Variants in USH2A observed in about 807,000 individuals in gnomAD.
USH2A encodes the protein Usher syndrome 2A (autosomal recessive, mild).
USH2A carries 443 observed loss-of-function variants against 538.9 expected under a neutral mutation model. The observed-to-expected ratio is 0.82, with a 90% CI of 0.76 to 0.89. The LOEUF is 0.89. Ranked by LOEUF, USH2A falls within the 40% of genes least tolerant of loss-of-function variation. USH2A has a pLI of 0.00. For synonymous variants in USH2A, 2,413 were observed against 2,273.5 expected, an observed-to-expected ratio of 1.06 and a Z score of -1.75; for missense variants, 6,633 against 6,324.8, an observed-to-expected ratio of 1.05 and a Z score of -1.65.
At chr1:215,781,370 T>G (rs1051482452) in intron 54 of USH2A, among the ~76,000 whole-genome samples, 3 of 152,216 alleles carry the variant, frequency 2.0e-5, no homozygotes, top group Admixed American at 1.3e-4. Context: ...ACCTTCAACA[T>G]TTTTCTCTTT....
intron 3 of USH2A, among the ~76,000 whole-genome samples, chr1:216,405,408 T>A (rs973530230): frequency 6.6e-6 from 1 of 152,254 alleles, no homozygotes; most frequent in East Asian, 1.9e-4. Context: ...ATTGGACATA[T>A]GAATGGTAAA....
At chr1:215,654,209 C>A (rs1036153629) in intron 64 of USH2A, among the ~76,000 whole-genome samples, 1 of 152,066 alleles carries the variant, frequency 6.6e-6, no homozygotes, top group Non-Finnish European at 1.5e-5. Flanking sequence ...CTAGTGTACA[C>A]GTGAACAACG....
chr1:216,021,624 C>G (rs1668847060), intron 32 of USH2A, among the ~76,000 whole-genome samples: 1 of 152,166 alleles, frequency 6.6e-6, no homozygotes, highest in African/African-American at 2.4e-5. Flanking sequence ...TGCTAACATG[C>G]CCTGCAGACT....
intron 55 of USH2A, among the ~76,000 whole-genome samples, chr1:215,770,862 T>C (rs1016054062): frequency 6.7e-6 from 1 of 149,106 alleles, no homozygotes; most frequent in African/African-American, 2.5e-5. Flanking sequence ...CCCAGCACTT[T>C]GGGAGGACGA....
intron 41 of USH2A, among the ~76,000 whole-genome samples, chr1:215,880,958 C>A (rs914633616): frequency 9.2e-5 from 14 of 152,028 alleles, no homozygotes; most frequent in Non-Finnish European, 1.6e-4. Flanking sequence ...TACCAAAAAT[C>A]ACCTGGGTGT....
chr1:215,934,590 G>A, intron 38 of USH2A, 26 bp downstream of exon 38: 1 of 1,606,878 alleles, frequency 6.2e-7, no homozygotes, highest in South Asian at 1.1e-5. Context: ...TATAAAATTA[G>A]ATAGCCAACA....
At chr1:216,144,156 T>C (rs1409580566) in intron 21 of USH2A, among the ~76,000 whole-genome samples, 1 of 152,148 alleles carries the variant, frequency 6.6e-6, no homozygotes, top group Non-Finnish European at 1.5e-5. Flanking sequence ...TGTTATGTAA[T>C]GAGAAAATAT....
intron 32 of USH2A, among the ~76,000 whole-genome samples, chr1:216,010,892 C>T (rs1668546263): frequency 6.6e-6 from 1 of 151,934 alleles, no homozygotes; most frequent in Non-Finnish European, 1.5e-5. Flanking sequence ...CCTTAACCCA[C>T]AAGTATAAGA....
intron 70 of USH2A, 137 bp from the exon 71 acceptor site, chr1:215,629,172 C>A: frequency 5.4e-6 from 5 of 926,316 alleles, no homozygotes; most frequent in Non-Finnish European, 6.8e-6. Flanking sequence ...ATGAAGGGAA[C>A]AACTGTCACC....
intron 35 of USH2A, among the ~76,000 whole-genome samples, chr1:215,988,323 TCTC>T (rs940062843): frequency 2.6e-5 from 4 of 152,156 alleles, no homozygotes; most frequent in Non-Finnish European, 4.4e-5. Flanking sequence ...TTTACCATAA[TCTC>T]CTCAAGTTTC....
chr1:216,248,342 T>C lies in USH2A; in HGVS notation c.2168-1116A>G, dbSNP rs2036093141. ...TAAAAAAATTAGAATAGTAAATGTT[T>C]AGATGCAAAATACTTCCTTTAGATA... On this transcript the variant is annotated intron_variant, in intron 12 of 71. Transcript: ENST00000307340. Among the ~76,000 whole-genome samples the C allele has an allele frequency of 2.6e-5, 4 of 152,058 alleles. No individual in the cohort carries two copies. The South Asian group carries it at 8.3e-4, about 31-fold the overall frequency.
chr1:215,846,442 G>A (rs1186294805), intron 44 of USH2A, among the ~76,000 whole-genome samples: 1 of 152,042 alleles, frequency 6.6e-6, no homozygotes, highest in East Asian at 1.9e-4. Context: ...TCAAACTTCT[G>A]GCCTCAAGTG....
At chr1:215,841,330 CTG>C (rs1316347188) in intron 46 of USH2A, among the ~76,000 whole-genome samples, 1 of 152,100 alleles carries the variant, frequency 6.6e-6, no homozygotes, top group African/African-American at 2.4e-5. Flanking sequence ...CAGCATGGTA[CTG>C]GTACAAAAAC....
At chr1:215,787,808 C>T (rs1244770029) in intron 51 of USH2A, among the ~76,000 whole-genome samples, 1 of 151,944 alleles carries the variant, frequency 6.6e-6, no homozygotes, top group African/African-American at 2.4e-5. Context: ...CTTTGGGAGG[C>T]GGAGGTGGGT....
Position 216,289,316 on chromosome 1 carries a change from T to A in USH2A, c.1935A>T (p.Thr645=), listed in dbSNP as rs146670690. Residue 645 remains threonine (T), a synonymous_variant, in exon 11 of 72, where the codon ACA becomes ACT. Coordinates refer to ENST00000307340, the MANE Select transcript of USH2A (RefSeq NM_206933.4). ...IDVCKPCDCD[T]VGTRNGSILC... ...GAATGCTACCATTTCTAGTGCCAAC[T>A]GTATCACAGTCACAGGGTTTGCAAA... 1.2e-4 allele frequency: 198 copies of A among 1,614,000 alleles called. No homozygotes were observed. In the East Asian group the frequency reaches 4.2e-3, roughly 34 times the overall value.
At chr1:216,110,138 A>G (rs2032832259) in intron 21 of USH2A, among the ~76,000 whole-genome samples, 1 of 152,180 alleles carries the variant, frequency 6.6e-6, no homozygotes, top group East Asian at 1.9e-4. Flanking sequence ...CCACGGGTTT[A>G]GAAAAGTCAA....
chr1:216,296,215 T>C (rs538859218), intron 9 of USH2A, among the ~76,000 whole-genome samples: 4 of 152,096 alleles, frequency 2.6e-5, no homozygotes, highest in Admixed American at 6.5e-5. Context: ...TTTTTAATAA[T>C]TGGTAAAAAA....
chr1:216,222,651 T>C (rs1019170812), intron 14 of USH2A, among the ~76,000 whole-genome samples: 3 of 152,180 alleles, frequency 2.0e-5, no homozygotes, highest in East Asian at 3.9e-4. Flanking sequence ...AACACTGCTC[T>C]GCTGGCTTTG....
At chr1:215,630,472 ATGTGTGTG>A (rs200498400) in intron 70 of USH2A, among the ~76,000 whole-genome samples, 5 of 64,072 alleles carry the variant, frequency 7.8e-5, no homozygotes, top group African/African-American at 2.7e-4. Flanking sequence ...ATGTATGTGT[ATGTGTGTG>A]TGTATATATA....
Sources: allele counts gnomAD v4.1 joint callset (sites outside exome capture counted in the v4.1 genomes callset), GRCh38; gene constraint gnomAD v4.1.1; transcripts MANE v1.5; gene names NCBI Gene and HGNC (gene_info 2026-07-23, HGNC 2026-07-21).